The following EFCAB6 variants were observed in gnomAD, a reference collection of about 807,000 sequenced individuals.
The protein encoded by EFCAB6 is EF-hand calcium-binding domain-containing protein 6.
A neutral mutation model predicts 169.8 loss-of-function variants in EFCAB6; 156 were observed. The ratio of observed to expected loss-of-function variants is 0.92; its 90% confidence interval spans 0.81 to 1.05. The LOEUF is 1.05. Among genes scored for constraint, EFCAB6 ranks in the 50% least tolerant of loss-of-function variants. The pLI, the probability that EFCAB6 is intolerant of heterozygous loss-of-function variation, is 0.00. For synonymous variants in EFCAB6, 698 were observed against 676.4 expected (o/e 1.03, Z -0.50); for missense variants, 1,800 against 1,829.1 (o/e 0.98, Z 0.29).
chr22:43,613,629 AG>A (rs2053480049), intron 21 of EFCAB6, among the ~76,000 whole-genome samples: 1 of 151,950 alleles, frequency 6.6e-6, no homozygotes. Flanking sequence ...GGGGGAAAGG[AG>A]GGGGAGGATT....
chr22:43,649,520 C>A (rs1337057538), intron 17 of EFCAB6, among the ~76,000 whole-genome samples: 1 of 151,922 alleles, frequency 6.6e-6, no homozygotes, highest in East Asian at 1.9e-4. Flanking sequence ...AATCTTCAAC[C>A]AAGAGTCTTA....
chr22:43,550,711 C>T (rs2048331913), intron 27 of EFCAB6, among the ~76,000 whole-genome samples: 1 of 151,740 alleles, frequency 6.6e-6, no homozygotes, highest in South Asian at 2.1e-4. Context: ...TTTAGCAGTT[C>T]CTTTCCCTAA....
At chr22:43,541,991 G>A (rs937095245) in intron 27 of EFCAB6, among the ~76,000 whole-genome samples, 1 of 152,252 alleles carries the variant, frequency 6.6e-6, no homozygotes, top group African/African-American at 2.4e-5. Context: ...CAAGGTGAGG[G>A]CAATGGAAGG....
At chr22:43,732,380 T>A (rs1187059110) in intron 7 of EFCAB6, among the ~76,000 whole-genome samples, 1 of 151,956 alleles carries the variant, frequency 6.6e-6, no homozygotes, top group African/African-American at 2.4e-5. Flanking sequence ...AAGTTTCTCT[T>A]GAAGCATTTC....
intron 28 of EFCAB6, among the ~76,000 whole-genome samples, chr22:43,538,088 T>G (rs61567617): frequency 0.063 from 9,550 of 152,288 alleles, 362 homozygotes; most frequent in Admixed American, 0.093. Flanking sequence ...CAAGTGGTTA[T>G]CTAAATTAGT....
chr22:43,757,120 G>T (rs1460657546), intron 5 of EFCAB6, among the ~76,000 whole-genome samples: 1 of 152,176 alleles, frequency 6.6e-6, no homozygotes, highest in Non-Finnish European at 1.5e-5. Context: ...AGTCTCAGAG[G>T]GGTTCTGTTC....
intron 5 of EFCAB6, among the ~76,000 whole-genome samples, chr22:43,760,368 C>T (rs2061120430): frequency 6.6e-6 from 1 of 152,180 alleles, no homozygotes; most frequent in Admixed American, 6.5e-5. Flanking sequence ...GTCTAACTGT[C>T]ACTCCTCTGA....
Position 43,555,101 on chromosome 22 carries a change from A to G in EFCAB6, c.3421-5T>C, listed in dbSNP as rs2048624407. The G allele has an allele frequency of 1.2e-6, 2 of 1,613,900 alleles. No individual in the cohort carries two copies. The highest frequency in any genetic ancestry group is 1.7e-5 in the Admixed American group (1 of 60,006). On this transcript the variant is annotated splice_polypyrimidine_tract_variant and splice_region_variant and intron_variant, in intron 26 of 31. Transcript: ENST00000262726. Reference sequence around the variant, plus strand: ...CTCAGCCCACTCATCAGCTGTCTGGACAAAATAGAATGGAAATTGATCCAT... The same window carrying G: ...CTCAGCCCACTCATCAGCTGTCTGGGCAAAATAGAATGGAAATTGATCCAT...
chr22:43,673,884 G>C (rs556691310), intron 13 of EFCAB6, among the ~76,000 whole-genome samples: 1 of 151,072 alleles, frequency 6.6e-6, no homozygotes, highest in South Asian at 2.1e-4. Flanking sequence ...TATATGTGGC[G>C]TGAACCTGGG....
rs369930191 is a variant in EFCAB6 at position 43,534,797 on chromosome 22, C to T, written c.4124G>A (p.Ser1375Asn). 3.1e-6 allele frequency: 5 copies of T among 1,613,882 alleles called. No individual in the cohort carries two copies. Among genetic ancestry groups the T allele is most frequent in the Non-Finnish European group, 4.2e-6 (5 of 1,180,000 alleles). The change falls in exon 30 of 32, where the codon AGC becomes AAC. Residue 1375 changes from serine to asparagine, a missense_variant. Ser to Asn is a conservative substitution (Grantham distance 46). Coordinates refer to ENST00000262726, the MANE Select transcript of EFCAB6 (RefSeq NM_022785.4). ...GTCACAGTATGCAAATTTCCCGTTGCTCTTTAAGTCGTATTTTATAATGAG... is the reference window on the plus strand; with the variant it reads ...GTCACAGTATGCAAATTTCCCGTTGTTCTTTAAGTCGTATTTTATAATGAG... Reference protein sequence around the residue: ...QQLIIKYDLKSNGKFAYCDFI... With the variant: ...QQLIIKYDLKNNGKFAYCDFI...
intron 6 of EFCAB6, among the ~76,000 whole-genome samples, chr22:43,751,983 A>G (rs2060786828): frequency 6.6e-6 from 1 of 152,106 alleles, no homozygotes; most frequent in African/African-American, 2.4e-5. Flanking sequence ...GAGTTGGCAA[A>G]ATCTGAAAAA....
chr22:43,605,576 G>A (rs2052858732), intron 22 of EFCAB6, among the ~76,000 whole-genome samples: 2 of 58,186 alleles, frequency 3.4e-5, no homozygotes, highest in Admixed American at 4.4e-4. Context: ...CTGGGAGGCG[G>A]AGGTTGCAGT....
At chr22:43,647,736 T>C (rs2056251987) in intron 17 of EFCAB6, among the ~76,000 whole-genome samples, 1 of 151,968 alleles carries the variant, frequency 6.6e-6, no homozygotes, top group African/African-American at 2.4e-5. Flanking sequence ...GAGGAGAACA[T>C]GATGTGAAGA....
intron 8 of EFCAB6, among the ~76,000 whole-genome samples, chr22:43,730,801 A>G (rs1305133019): frequency 2.0e-5 from 3 of 152,218 alleles, no homozygotes; most frequent in Non-Finnish European, 4.4e-5. Context: ...CTCCTGGCAC[A>G]GGAGGCTTCG....
At chr22:43,703,905 A>G (rs1260606196) in intron 10 of EFCAB6, among the ~76,000 whole-genome samples, 1 of 146,466 alleles carries the variant, frequency 6.8e-6, no homozygotes, top group Non-Finnish European at 1.5e-5. Flanking sequence ...TACACATAAT[A>G]GAAATTCAAG....
At chr22:43,742,775 C>T in intron 6 of EFCAB6, among the ~76,000 whole-genome samples, 1 of 152,240 alleles carries the variant, frequency 6.6e-6, no homozygotes, top group Non-Finnish European at 1.5e-5. Flanking sequence ...GCCCTCCCGG[C>T]ACCCCCACTG....
intron 26 of EFCAB6, among the ~76,000 whole-genome samples, chr22:43,557,257 T>C (rs1253761596): frequency 6.6e-6 from 1 of 152,224 alleles, no homozygotes; most frequent in Non-Finnish European, 1.5e-5. Flanking sequence ...ATGATGTATA[T>C]GAATGTTCTC....
At chr22:43,581,119 G>C (rs1169092230) in intron 24 of EFCAB6, among the ~76,000 whole-genome samples, 1 of 152,180 alleles carries the variant, frequency 6.6e-6, no homozygotes, top group African/African-American at 2.4e-5. Context: ...ACTGTGGGGT[G>C]GTGGCAGTGG....
At chr22:43,680,330 C>T (rs528267262) in intron 12 of EFCAB6, among the ~76,000 whole-genome samples, 2 of 152,222 alleles carry the variant, frequency 1.3e-5, no homozygotes, top group African/African-American at 2.4e-5. Flanking sequence ...CAGTATCACA[C>T]AGTCTTTACT....
Sources: allele counts gnomAD v4.1 joint callset (sites outside exome capture counted in the v4.1 genomes callset), GRCh38; gene constraint gnomAD v4.1.1; transcripts MANE v1.5; gene names NCBI Gene and HGNC (gene_info 2026-07-23, HGNC 2026-07-21).